Variants in SCN8A observed in about 807,000 individuals in gnomAD.
The protein encoded by SCN8A is sodium voltage-gated channel alpha subunit 8.
A neutral mutation model predicts 184.1 loss-of-function variants in SCN8A; 30 were observed. That is an observed-to-expected ratio of 0.16 (90% CI 0.12 to 0.22). The LOEUF is 0.22. Among genes scored for constraint, SCN8A ranks in the 10% least tolerant of loss-of-function variants. SCN8A has a pLI of 1.00. For synonymous variants in SCN8A, 852 were observed against 907.0 expected, an observed-to-expected ratio of 0.94 and a Z score of 1.09; for missense variants, 1,057 against 2,498.9, an observed-to-expected ratio of 0.42 and a Z score of 12.30.
At chr12:51,796,611 T>G (rs927748196) in intron 26 of SCN8A, among the ~76,000 whole-genome samples, 5 of 152,154 alleles carry the variant, frequency 3.3e-5, no homozygotes, top group Admixed American at 2.6e-4. Flanking sequence ...AAAGGGAGTG[T>G]ATTAAGGAGA....
intron 20 of SCN8A, 84 bp from the exon 21 acceptor site, chr12:51,780,565 C>CTTTTCTTTTTTTTTTTTTTTTT (rs1937873541): frequency 3.4e-6 from 1 of 293,008 alleles, no homozygotes; most frequent in African/African-American, 1.3e-4. Flanking sequence ...TGTTTTCTTT[C>CTTTTCTTTTTTTTTTTTTTTTT]TTTTTTTTTT....
rs528718802 is a variant in SCN8A at position 51,769,023 on chromosome 12, G to A, written c.3060G>A (p.Gln1020=). The A allele has an allele frequency of 2.4e-5, 39 of 1,614,002 alleles. No individual in the cohort carries two copies. The South Asian group carries it at 3.6e-4, about 15-fold the overall frequency. ...WTKLKVHAFM[Q]AHFKQREADE... ...AACTAAAGGTGCACGCCTTCATGCA[G>A]GCCCACTTTAAGCAGCGTGAGGCTG... Residue 1020 remains glutamine (Q), a synonymous_variant, in exon 17 of 27, where the codon CAG becomes CAA. Transcript: ENST00000627620.
intron 21 of SCN8A, among the ~76,000 whole-genome samples, chr12:51,783,828 TAC>T (rs1410819402): frequency 6.6e-6 from 1 of 152,180 alleles, no homozygotes; most frequent in African/African-American, 2.4e-5. Context: ...AAGACAAAAA[TAC>T]TGTAAGAATT....
chr12:51,759,067 C>T (rs1170453376), intron 14 of SCN8A, among the ~76,000 whole-genome samples: 2 of 151,800 alleles, frequency 1.3e-5, no homozygotes, highest in African/African-American at 4.8e-5. Flanking sequence ...TGGTCAATGA[C>T]AGACTGCATG....
At chr12:51,799,029 T>G (rs1481681393) in intron 26 of SCN8A, among the ~76,000 whole-genome samples, 3 of 152,230 alleles carry the variant, frequency 2.0e-5, no homozygotes, top group African/African-American at 7.2e-5. Flanking sequence ...AGGGATGTCC[T>G]AGAAAGGGGC....
chr12:51,784,864 T>C (rs1236175534), intron 21 of SCN8A, among the ~76,000 whole-genome samples: 1 of 152,192 alleles, frequency 6.6e-6, no homozygotes, highest in South Asian at 2.1e-4. Context: ...TCAGAAGAGT[T>C]CCTGGAGGAA....
chr12:51,706,325 C>A, intron 10 of SCN8A, 97 bp from the exon 11 acceptor site: 1 of 1,218,080 alleles, frequency 8.2e-7, no homozygotes, highest in Non-Finnish European at 1.1e-6. Context: ...TTCCTCCTTT[C>A]CCTTCAGTAG....
At chr12:51,642,699 C>A (rs952496795) in intron 1 of SCN8A, among the ~76,000 whole-genome samples, 3 of 151,614 alleles carry the variant, frequency 2.0e-5, no homozygotes, top group African/African-American at 7.3e-5. Context: ...TTTATCACCC[C>A]CATGGTTGAA....
At chr12:51,766,765 A>G (rs1052510567) in intron 16 of SCN8A, among the ~76,000 whole-genome samples, 1 of 152,208 alleles carries the variant, frequency 6.6e-6, no homozygotes, top group Non-Finnish European at 1.5e-5. Context: ...ATCACTGGAG[A>G]GTGTGTTAGA....
Position 51,768,945 on chromosome 12 carries a change from G to A in SCN8A, c.2982G>A (p.Met994Ile). 6.2e-7 allele frequency: 1 copy of A among 1,608,032 alleles called. No homozygotes were observed. ...NLAATDDDGE[M>I]NNLQISVIRI... ...CTGCCACAGATGACGATGGGGAAAT[G>A]AACAACCTCCAGATCTCAGTGATCC... is the stretch of plus-strand genomic sequence containing the variant. Residue 994 changes from methionine to isoleucine, a missense_variant, in exon 17 of 27, where the codon ATG (methionine) becomes ATA (isoleucine). By Grantham distance (10) the Met-to-Ile change is conservative. Coordinates refer to ENST00000627620, the MANE Select transcript of SCN8A (RefSeq NM_001330260.2).
intron 13 of SCN8A, among the ~76,000 whole-genome samples, chr12:51,747,863 T>TAA (rs33937617): frequency 0.035 from 5,222 of 148,582 alleles, 123 homozygotes; most frequent in Middle Eastern, 0.051. Flanking sequence ...TCACACACAT[T>TAA]AAAAAAAAAA....
At chr12:51,634,137 T>C (rs192434430) in intron 1 of SCN8A, among the ~76,000 whole-genome samples, 101 of 152,198 alleles carry the variant, frequency 6.6e-4, no homozygotes, top group Non-Finnish European at 4.1e-4. Context: ...TAGAGGAAAA[T>C]GTATCAAAAG....
intron 13 of SCN8A, among the ~76,000 whole-genome samples, chr12:51,747,807 TTCTC>T (rs553350959): frequency 5.3e-5 from 8 of 152,080 alleles, no homozygotes; most frequent in African/African-American, 1.9e-4. Flanking sequence ...TCCCTGTTCT[TTCTC>T]TTTCTGTCCT....
chr12:51,625,029 C>G (rs142330810), intron 1 of SCN8A, among the ~76,000 whole-genome samples: 1 of 152,056 alleles, frequency 6.6e-6, no homozygotes, highest in African/African-American at 2.4e-5. Flanking sequence ...CCCTGACATA[C>G]TGGTTCTCTT....
chr12:51,748,800 G>A (rs1942552775), intron 13 of SCN8A, among the ~76,000 whole-genome samples: 4 of 152,056 alleles, frequency 2.6e-5, no homozygotes, highest in Admixed American at 2.6e-4. Flanking sequence ...AGTGAGGGTG[G>A]GGGCTCTTCA....
chr12:51,758,891 C>T (rs1942720129), intron 14 of SCN8A, among the ~76,000 whole-genome samples: 2 of 152,184 alleles, frequency 1.3e-5, no homozygotes, highest in African/African-American at 4.8e-5. Flanking sequence ...GGGATACATT[C>T]CAAGGCCCCC....
chr12:51,654,855 TC>T (rs1359098863), intron 1 of SCN8A, among the ~76,000 whole-genome samples: 1 of 152,124 alleles, frequency 6.6e-6, no homozygotes, highest in Non-Finnish European at 1.5e-5. Context: ...TATTTGATCT[TC>T]CTTCCAACAT....
rs1251310776 is a variant in SCN8A, at chr12:51,769,133, G to A, written c.3170G>A (p.Gly1057Asp). 1 of 1,613,356 alleles carries A rather than the reference G, an allele frequency of 6.2e-7. No homozygotes were observed. Reference protein sequence around the residue: ...NHTGADIHRNGDFQKNGNGTT... With the variant: ...NHTGADIHRNDDFQKNGNGTT... Reference sequence around the variant, plus strand: ...ACCGGTGCAGACATCCACCGGAATGGTGACTTCCAGAAGAATGGCAATGGC... The same window carrying A: ...ACCGGTGCAGACATCCACCGGAATGATGACTTCCAGAAGAATGGCAATGGC... Residue 1057 changes from glycine (G) to aspartate (D), a missense_variant, in exon 17 of 27, where the codon GGT (glycine) becomes GAT (aspartate). Physicochemically the swap from Gly to Asp is moderately conservative, Grantham distance 94. Around this residue, in one of 19 missense-constraint regions of SCN8A, gnomAD observed 178 missense variants for 259.6 expected, o/e 0.69. Coordinates refer to ENST00000627620, the MANE Select transcript of SCN8A (RefSeq NM_001330260.2).
intron 1 of SCN8A, among the ~76,000 whole-genome samples, chr12:51,614,925 A>T (rs1048629459): frequency 6.6e-6 from 1 of 151,916 alleles, no homozygotes; most frequent in Non-Finnish European, 1.5e-5. Context: ...ATTGTTAATT[A>T]TATGTTCAAT....
Sources: gnomAD v4.1 joint callset for allele counts (sites outside exome capture counted in the v4.1 genomes callset) on GRCh38, gnomAD v4.1.1 for gene constraint, gnomAD v4.1.1 regional missense constraint, MANE v1.5 for transcripts, NCBI Gene and HGNC (gene_info 2026-07-23, HGNC 2026-07-21) for gene names.